IGF2R: variants seen among roughly 807,000 people sequenced by gnomAD.
IGF2R encodes the protein insulin like growth factor 2 receptor.
A neutral mutation model predicts 270.6 loss-of-function variants in IGF2R; 91 were observed. That is an observed-to-expected ratio of 0.34 (90% CI 0.28 to 0.40). IGF2R has a LOEUF of 0.40. Ranked by LOEUF, IGF2R falls within the 10% of genes least tolerant of loss-of-function variation. The pLI, the probability that IGF2R is intolerant of heterozygous loss-of-function variation, is 1.00. For synonymous variants in IGF2R, 1,316 were observed against 1,258.9 expected (o/e 1.05, Z -0.96); for missense variants, 2,805 against 3,188.3 (o/e 0.88, Z 2.90).
At chr6:159,991,889 C>G (rs1272530571) in intron 2 of IGF2R, among the ~76,000 whole-genome samples, 1 of 152,206 alleles carries the variant, frequency 6.6e-6, no homozygotes, top group Non-Finnish European at 1.5e-5. Context: ...CCTTTTGGGT[C>G]AGGATCGCTA....
At chr6:160,034,222 G>A (rs2297357) in intron 9 of IGF2R, among the ~76,000 whole-genome samples, 197 bp from the exon 10 acceptor site, 29,588 of 152,204 alleles carry the variant, frequency 0.19, 3,428 homozygotes, top group East Asian at 0.52. Flanking sequence ...ACTTTGAAGC[G>A]AGAGGATGTC....
At chr6:160,021,532 A>T (rs1777434909) in intron 4 of IGF2R, among the ~76,000 whole-genome samples, 1 of 151,656 alleles carries the variant, frequency 6.6e-6, no homozygotes, top group South Asian at 2.1e-4. Flanking sequence ...AACATGGCAC[A>T]TGTATACATA....
intron 7 of IGF2R, among the ~76,000 whole-genome samples, chr6:160,030,999 G>T (rs1019779656): frequency 1.3e-5 from 2 of 152,004 alleles, no homozygotes; most frequent in African/African-American, 2.4e-5. Flanking sequence ...GTGCCACCAC[G>T]CCTGGCTAAT....
intron 2 of IGF2R, chr6:160,003,240 A>G (rs1183362642): frequency 1.3e-5 from 2 of 152,198 alleles, no homozygotes; most frequent in Non-Finnish European, 2.9e-5. Context: ...TTTGACTCAT[A>G]AGATGTGAAA....
chr6:160,037,178 C>T (rs1777845922), intron 10 of IGF2R, among the ~76,000 whole-genome samples: 1 of 152,074 alleles, frequency 6.6e-6, no homozygotes, highest in African/African-American at 2.4e-5. Flanking sequence ...CAGTGACATC[C>T]TGATGTTAAA....
At chr6:160,045,149 A>G (rs1405513680) in intron 13 of IGF2R, among the ~76,000 whole-genome samples, 1 of 152,232 alleles carries the variant, frequency 6.6e-6, no homozygotes, top group Admixed American at 6.5e-5. Context: ...TATGTTTCAC[A>G]GTTCCATTAA....
At chr6:160,054,323 C>T (rs1341331285) in intron 19 of IGF2R, among the ~76,000 whole-genome samples, 2 of 152,168 alleles carry the variant, frequency 1.3e-5, no homozygotes, top group Non-Finnish European at 2.9e-5. Context: ...GGGTTGAAGA[C>T]ATAACATTTA....
intron 7 of IGF2R, among the ~76,000 whole-genome samples, chr6:160,031,453 ACCT>A (rs1197069160): frequency 6.7e-6 from 1 of 149,812 alleles, no homozygotes; most frequent in Admixed American, 6.6e-5. Flanking sequence ...CCAAAAAGAA[ACCT>A]CCTGCCCATT....
intron 10 of IGF2R, among the ~76,000 whole-genome samples, chr6:160,039,527 T>A (rs1777896633): frequency 6.6e-6 from 1 of 152,232 alleles, no homozygotes; most frequent in Non-Finnish European, 1.5e-5. Context: ...GTGGCTGGTA[T>A]TATAATTATA....
At chr6:160,024,952 T>A (rs1484162838) in intron 5 of IGF2R, among the ~76,000 whole-genome samples, 2 of 152,130 alleles carry the variant, frequency 1.3e-5, no homozygotes, top group African/African-American at 4.8e-5. Context: ...GTGGGTGTTC[T>A]CTCGGCCAGA....
intron 32 of IGF2R, 70 bp downstream of exon 32, chr6:160,072,106 CA>C (rs1364919214): frequency 3.1e-6 from 5 of 1,596,948 alleles, no homozygotes; most frequent in East Asian, 2.2e-5. Context: ...CCCAGCTCAT[CA>C]GGGGAGAGAC....
intron 22 of IGF2R, among the ~76,000 whole-genome samples, chr6:160,059,799 C>A (rs1204103026): frequency 1.3e-5 from 2 of 152,262 alleles, no homozygotes; most frequent in Non-Finnish European, 2.9e-5. Context: ...TCCCACCCTC[C>A]CCTCTTGAAT....
At chr6:160,045,451 C>T (rs1778047137) in intron 13 of IGF2R, among the ~76,000 whole-genome samples, 1 of 152,108 alleles carries the variant, frequency 6.6e-6, no homozygotes, top group Admixed American at 6.5e-5. Context: ...TGTGTAATAC[C>T]ACCACCATCC....
chr6:160,070,198 G>T (rs978389724), intron 31 of IGF2R, 140 bp downstream of exon 31: 2 of 827,022 alleles, frequency 2.4e-6, no homozygotes, highest in Non-Finnish European at 3.8e-6. Flanking sequence ...CAGAGGTTGG[G>T]GGAACAGCGT....
At chr6:160,088,556 C>G (rs1366542598) in intron 42 of IGF2R, among the ~76,000 whole-genome samples, 1 of 152,160 alleles carries the variant, frequency 6.6e-6, no homozygotes, top group Non-Finnish European at 1.5e-5. Context: ...CAAGTTTTCC[C>G]GGCCACATTG....
chr6:159,972,736 C>A (rs531150223), intron 1 of IGF2R, among the ~76,000 whole-genome samples: 1 of 152,170 alleles, frequency 6.6e-6, no homozygotes, highest in South Asian at 2.1e-4. Context: ...TTGGGAGGAA[C>A]GAAGGAGACA....
Position 160,073,270 on chromosome 6 carries a change from A to T in IGF2R, c.4748A>T (p.Tyr1583Phe). 6.2e-7 allele frequency: 1 copy of T among 1,614,282 alleles called. No homozygotes were observed. Among genetic ancestry groups the T allele is most frequent in the South Asian group, 1.1e-5 (1 of 91,090 alleles). The change falls in exon 34 of 48, where the codon TAC (tyrosine) becomes TTC (phenylalanine). Residue 1583 changes from tyrosine to phenylalanine, a missense_variant. By Grantham distance (22) the Tyr-to-Phe change is conservative. Coordinates refer to ENST00000356956, the MANE Select transcript of IGF2R (RefSeq NM_000876.4). ...SVGKANKRLR[Y>F]VDQVLQLVYK... ...GGCAAGGCCAACAAGAGGCTGAGAT[A>T]CGTGGACCAGGTCCTGCAGCTGGTG...
In IGF2R at chr6:160,108,575, T is replaced by G. The variant is rs1249544303; in HGVS notation, c.*3491T>G. 2.0e-5 allele frequency: 3 copies of G among 152,244 alleles called. No individual in the cohort carries two copies. Among genetic ancestry groups the G allele is most frequent in the East Asian group, 3.8e-4 (2 of 5,206 alleles). 9.4% of individuals were successfully genotyped at this position (152,244 alleles called of 1,614,324 possible). A position where few individuals can be genotyped will look rare whatever the true frequency, so the allele number is the denominator to read the frequency against. On this transcript the variant is annotated 3_prime_UTR_variant, in exon 48 of 48. Transcript: ENST00000356956. ...AGAAGCCTCAGACTGCCTGCGAGGC[T>G]CTCTCTGGGAGGAAGTCAGGTCTTT...
chr6:160,097,341 A>T (rs906026172), intron 45 of IGF2R, among the ~76,000 whole-genome samples: 1 of 151,638 alleles, frequency 6.6e-6, no homozygotes, highest in Non-Finnish European at 1.5e-5. Flanking sequence ...TTTATTTTTT[A>T]TTTTTTTGGG....
Sources: allele counts gnomAD v4.1 joint callset (sites outside exome capture counted in the v4.1 genomes callset), GRCh38; gene constraint gnomAD v4.1.1; transcripts MANE v1.5; gene names NCBI Gene and HGNC (gene_info 2026-07-23, HGNC 2026-07-21).